The following SDC3 variants were observed in gnomAD, a reference collection of about 807,000 sequenced individuals.
SDC3 encodes syndecan-3.
A neutral mutation model predicts 24.4 loss-of-function variants in SDC3; 13 were observed. That is an observed-to-expected ratio of 0.53 (90% CI 0.35 to 0.85). The LOEUF is 0.85. Among genes scored for constraint, SDC3 ranks in the 40% least tolerant of loss-of-function variants. The probability of loss-of-function intolerance (pLI) is 0.01; values close to 1 mark genes in which losing one functional copy is unlikely to be tolerated. For synonymous variants in SDC3, 295 were observed against 260.9 expected, an observed-to-expected ratio of 1.13 and a Z score of -1.26; for missense variants, 571 against 584.5, an observed-to-expected ratio of 0.98 and a Z score of 0.24.
chr1:30,884,854 G>A (rs546543276), intron 1 of SDC3, among the ~76,000 whole-genome samples: 65 of 152,276 alleles, frequency 4.3e-4, no homozygotes, highest in African/African-American at 1.4e-3. Flanking sequence ...CCCACATACT[G>A]AACGACAGGG....
At chr1:30,879,408 G>A (rs558374604) in intron 1 of SDC3, among the ~76,000 whole-genome samples, 41 of 152,298 alleles carry the variant, frequency 2.7e-4, no homozygotes, top group South Asian at 8.3e-4. Context: ...AATTTCTCCC[G>A]TGACGAATTG....
intron 1 of SDC3, among the ~76,000 whole-genome samples, chr1:30,881,047 A>G (rs115095644): frequency 0.032 from 4,706 of 148,680 alleles, 266 homozygotes; most frequent in African/African-American, 0.11. Flanking sequence ...ACACACACAC[A>G]CACACACGAC....
chr1:30,878,291 C>G (rs909103681), intron 2 of SDC3: 16 of 246,178 alleles, frequency 6.5e-5, no homozygotes, highest in Non-Finnish European at 1.2e-4. Flanking sequence ...TGCCCTAACC[C>G]CACCATTGGC....
At chr1:30,902,972 C>T (rs1296253964) in intron 1 of SDC3, among the ~76,000 whole-genome samples, 1 of 152,236 alleles carries the variant, frequency 6.6e-6, no homozygotes, top group Non-Finnish European at 1.5e-5. Flanking sequence ...GAATCATTCA[C>T]TCGAGCCTGC....
At position 30,876,726 on chromosome 1, in the gene SDC3, C is replaced by T. The variant is rs376190065; in HGVS notation, c.696G>A (p.Pro232=). The T allele has an allele frequency of 6.7e-5, 107 of 1,591,820 alleles. No homozygotes were observed. The highest frequency in any genetic ancestry group is 1.9e-4 in the African/African-American group (14 of 74,220). The change falls in exon 3 of 5, where the codon CCG becomes CCA. Residue 232 remains proline, a synonymous_variant. Coordinates refer to ENST00000339394, the MANE Select transcript of SDC3 (RefSeq NM_014654.4). The part of the protein sequence containing the change: ...ARATTPEAPS[P]PTTAAVLDTE... ...TGTCCAAGACAGCCGCCGTGGTGGG[C>T]GGGGAGGGCGCCTCGGGGGTAGTGG...
At chr1:30,903,658 T>G (rs911306715) in intron 1 of SDC3, among the ~76,000 whole-genome samples, 1 of 151,968 alleles carries the variant, frequency 6.6e-6, no homozygotes, top group Non-Finnish European at 1.5e-5. Flanking sequence ...TGAGAAAAGA[T>G]ATGGGACCAA....
chr1:30,874,371 T>C lies in SDC3; in HGVS notation c.1088A>G (p.Asn363Ser). 6.2e-7 allele frequency: 1 copy of C among 1,613,998 alleles called. No homozygotes were observed. Among genetic ancestry groups the C allele is most frequent in the South Asian group, 1.1e-5 (1 of 91,080 alleles). Reference protein sequence around the residue: ...GARPGPGLLDNAIDSGSSAAQ... With the variant: ...GARPGPGLLDSAIDSGSSAAQ... ...AGCTGAGCTGCCCGAGTCGATGGCA[T>C]TGTCCAGGAGGCCAGGGCCCGGGCG... The change falls in exon 4 of 5, where the codon AAT (asparagine) becomes AGT (serine). Residue 363 changes from asparagine to serine, a missense_variant. By Grantham distance (46) the Asn-to-Ser change is conservative (BLOSUM62 1). This residue lies in a region of SDC3 where 74 missense variants were observed against 112.9 expected (regional missense o/e 0.66). Transcript: ENST00000339394.
At chr1:30,906,538 A>G (rs1400323764) in intron 1 of SDC3, among the ~76,000 whole-genome samples, 2 of 152,180 alleles carry the variant, frequency 1.3e-5, no homozygotes, top group Non-Finnish European at 2.9e-5. Context: ...TGGCCTGCCC[A>G]GCGCTCCACC....
chr1:30,900,024 T>C (rs1477180694), intron 1 of SDC3, among the ~76,000 whole-genome samples: 1 of 152,238 alleles, frequency 6.6e-6, no homozygotes, highest in Admixed American at 6.5e-5. Context: ...GTTTCTTATG[T>C]CTTCCTTTTC....
chr1:30,877,353 C>T, intron 2 of SDC3, 188 bp from the exon 3 acceptor site: 1 of 758,010 alleles, frequency 1.3e-6, no homozygotes, highest in South Asian at 1.8e-5. Context: ...GCTGATGTTC[C>T]CCAACTTCTC....
intron 1 of SDC3, among the ~76,000 whole-genome samples, chr1:30,897,346 G>A (rs543936604): frequency 3.5e-4 from 53 of 152,260 alleles, no homozygotes; most frequent in South Asian, 1.2e-3. Flanking sequence ...ATGATGACTC[G>A]AGATCAATGC....
chr1:30,885,921 C>T (rs1159439813), intron 1 of SDC3, among the ~76,000 whole-genome samples: 1 of 152,220 alleles, frequency 6.6e-6, no homozygotes, highest in Admixed American at 6.5e-5. Flanking sequence ...AGGCCCCCTC[C>T]TCAACCCAGG....
At position 30,871,229 on chromosome 1, in the gene SDC3, A is replaced by G. The variant is rs919051551; in HGVS notation, c.*1982T>C. The G allele has an allele frequency of 1.3e-5, 2 of 152,248 alleles. No individual in the cohort carries two copies. Among genetic ancestry groups the G allele is most frequent in the African/African-American group, 4.8e-5 (2 of 41,432 alleles). The allele number at this position is 152,248 out of a possible 1,614,324, so 9.4% of individuals were successfully genotyped here. On this transcript the variant is annotated 3_prime_UTR_variant, in exon 5 of 5. Transcript: ENST00000339394. Reference sequence around the variant, plus strand: ...CACCGCTACCCCTCATCCTGCAGAAATCTGCTGCCAGGGCATCTTGAAAAG... The same window carrying G: ...CACCGCTACCCCTCATCCTGCAGAAGTCTGCTGCCAGGGCATCTTGAAAAG...
Position 30,876,619 on chromosome 1 carries a change from G to A in SDC3, c.803C>T (p.Pro268Leu), listed in dbSNP as rs1397352673. 6.4e-7 allele frequency: 1 copy of A among 1,565,942 alleles called. No homozygotes were observed. The highest frequency in any genetic ancestry group is 1.4e-5 in the African/African-American group (1 of 73,384). The change falls in exon 3 of 5, where the codon CCT becomes CTT. Residue 268 changes from proline to leucine, a missense_variant. Coordinates refer to ENST00000339394, the MANE Select transcript of SDC3 (RefSeq NM_014654.4). ...ALPRPATTQE[P>L]DIPERSTLPL... ...CAGGGTGCTCCTCTCAGGGATGTCA[G>A]GCTCCTGGGTGGTGGCCGGCCTGGG... is the stretch of plus-strand genomic sequence containing the variant.
Position 30,872,972 on chromosome 1 carries a change from C to A in SDC3, c.*239G>T, listed in dbSNP as rs935033158. 35 of 517,800 alleles carry A rather than the reference C, an allele frequency of 6.8e-5. No homozygotes were observed. The highest frequency in any genetic ancestry group is 5.3e-4 in the African/African-American group (28 of 52,446). 32.1% of individuals were successfully genotyped at this position (517,800 alleles called of 1,614,324 possible). A position where few individuals can be genotyped will look rare whatever the true frequency, so the allele number is the denominator to read the frequency against. On this transcript the variant is annotated 3_prime_UTR_variant, in exon 5 of 5. Coordinates refer to ENST00000339394, the MANE Select transcript of SDC3 (RefSeq NM_014654.4). ...AGGTCCTGAAGCCCCAGACTGGTGG[C>A]AGGGATGAGGGGAACAAGAGATGAG... is the stretch of plus-strand genomic sequence containing the variant.
intron 1 of SDC3, among the ~76,000 whole-genome samples, chr1:30,905,315 AC>A (rs1557528196): frequency 7.1e-5 from 1 of 14,122 alleles, no homozygotes; most frequent in Admixed American, 7.3e-4. Flanking sequence ...ACCCCACCCC[AC>A]CCCCACCCCC....
intron 1 of SDC3, chr1:30,880,048 G>A (rs1257526352): frequency 1.3e-5 from 2 of 152,584 alleles, no homozygotes; most frequent in Non-Finnish European, 2.9e-5. Context: ...CATGGGGCAG[G>A]AGGAGCTGGG....
intron 1 of SDC3, among the ~76,000 whole-genome samples, chr1:30,879,582 G>T (rs1557516475): frequency 6.6e-6 from 1 of 152,122 alleles, no homozygotes; most frequent in Non-Finnish European, 1.5e-5. Context: ...TGGAGTCCCT[G>T]CTCCCTCCAG....
intron 1 of SDC3, among the ~76,000 whole-genome samples, chr1:30,899,728 G>A (rs1023846406): frequency 6.6e-6 from 1 of 152,124 alleles, no homozygotes; most frequent in Non-Finnish European, 1.5e-5. Flanking sequence ...AGGAGGGGTA[G>A]GGCTTCCTCC....
Sources: gnomAD v4.1 joint callset for allele counts (sites outside exome capture counted in the v4.1 genomes callset) on GRCh38, gnomAD v4.1.1 for gene constraint, gnomAD v4.1.1 regional missense constraint, MANE v1.5 for transcripts, NCBI Gene and HGNC (gene_info 2026-07-23, HGNC 2026-07-21) for gene names.